Variants in DCAF8L2 observed in about 807,000 individuals in gnomAD.
The protein encoded by DCAF8L2 is DDB1 and CUL4 associated factor 8 like 2.
For synonymous variants in DCAF8L2, 200 were observed against 190.9 expected (o/e 1.05, Z -0.39); for missense variants, 430 against 490.7 (o/e 0.88, Z 1.17).
Position 27,748,504 on chromosome X carries a change from G to A in DCAF8L2, c.1609G>A (p.Val537Ile). 1.7e-6 allele frequency: 2 copies of A among 1,210,366 alleles called. No individual in the cohort carries two copies. Among genetic ancestry groups the A allele is most frequent in the South Asian group, 3.5e-5 (2 of 56,839 alleles). Reference protein sequence around the residue: ...VLACSGLDHDVKIWTPTAKAA... With the variant: ...VLACSGLDHDIKIWTPTAKAA... ...GGCGTGCAGTGGCCTAGATCATGAT[G>A]TCAAGATCTGGACACCCACAGCTAA... is the stretch of plus-strand genomic sequence containing the variant. Residue 537 changes from valine (V) to isoleucine (I), a missense_variant, in exon 5 of 5, where the codon GTC becomes ATC. Val to Ile is a conservative substitution (Grantham distance 29). Coordinates refer to ENST00000451261, the MANE Select transcript of DCAF8L2 (RefSeq NM_001353450.2).
At chrX:27,490,493 G>A in the DCAF8L2 span, among the ~76,000 whole-genome samples, 5 of 109,371 alleles carry the variant, frequency 4.6e-5, no homozygotes, top group Admixed American at 4.9e-4. Context: ...ACGGAGTCTC[G>A]CTCTGTCGCC....
chrX:27,732,861 TA>T (rs980802730), intron 4 of DCAF8L2, among the ~76,000 whole-genome samples: 2 of 110,708 alleles, frequency 1.8e-5, no homozygotes, highest in Non-Finnish European at 1.9e-5. Flanking sequence ...TCCCTTTTTT[TA>T]AAAAAAATTT....
intron 2 of DCAF8L2, among the ~76,000 whole-genome samples, chrX:27,643,368 T>C (rs1273672148): frequency 2.7e-5 from 3 of 110,441 alleles, no homozygotes; most frequent in African/African-American, 1.0e-4. Context: ...TGGCCATTTG[T>C]ATGTCTTCTT....
Position 27,595,680 on chromosome X carries a change from G to C in DCAF8L2, c.-342+5240G>C, listed in dbSNP as rs767152887. Among the ~76,000 whole-genome samples, 54 of 111,910 alleles carry C rather than the reference G, an allele frequency of 4.8e-4. 1 individual carries two copies. Among genetic ancestry groups the C allele is most frequent in the African/African-American group, 1.7e-3 (52 of 30,867 alleles). ...CAGGAGCTTTGTCTTTTTAGTTCAG[G>C]GTTGTAGCCTCAAGTTTAGAACACT... is the stretch of plus-strand genomic sequence containing the variant. On this transcript the variant is annotated intron_variant, in intron 1 of 4. Transcript: ENST00000451261.
chrX:27,734,940 C>T (rs974833679), intron 4 of DCAF8L2, among the ~76,000 whole-genome samples: 1 of 111,468 alleles, frequency 9.0e-6, no homozygotes, highest in African/African-American at 3.3e-5. Context: ...ATTTCTGTAA[C>T]GCACTAAATT....
chrX:27,672,431 A>G (rs1929982214), intron 2 of DCAF8L2, among the ~76,000 whole-genome samples: 1 of 112,081 alleles, frequency 8.9e-6, no homozygotes, highest in Admixed American at 9.5e-5. Flanking sequence ...AAGATGAAGA[A>G]CACTACGTTT....
the DCAF8L2 span, chrX:27,519,328 G>C: frequency 1.8e-6 from 2 of 1,104,590 alleles, no homozygotes; most frequent in South Asian, 3.7e-5. Context: ...GCTTGAAAAG[G>C]AGCGTCGAGC....
chrX:27,605,859 G>A (rs187129910), intron 1 of DCAF8L2, among the ~76,000 whole-genome samples: 1 of 111,297 alleles, frequency 9.0e-6, no homozygotes, highest in East Asian at 2.8e-4. Flanking sequence ...TGAAGTACAG[G>A]GAATGAGACT....
chrX:27,486,172 A>C, the DCAF8L2 span, among the ~76,000 whole-genome samples: 1 of 108,009 alleles, frequency 9.3e-6, no homozygotes, highest in African/African-American at 3.4e-5. Context: ...TGCCCGGCTA[A>C]TTTTTGTATT....
At chrX:27,588,002 A>G (rs1220589055), upstream of DCAF8L2, among the ~76,000 whole-genome samples, 1 of 100,307 alleles carries the variant, frequency 1.0e-5, no homozygotes, top group Non-Finnish European at 2.0e-5. Flanking sequence ...ATATATATAT[A>G]TATATATATA....
intron 3 of DCAF8L2, among the ~76,000 whole-genome samples, chrX:27,715,593 G>A (rs1931673723): frequency 1.8e-5 from 2 of 111,359 alleles, no homozygotes; most frequent in South Asian, 3.7e-4. Context: ...ATTATAAGAA[G>A]TAATGTTTTA....
intron 1 of DCAF8L2, among the ~76,000 whole-genome samples, chrX:27,620,368 CAAATT>C (rs1927698610): frequency 9.0e-6 from 1 of 111,466 alleles, no homozygotes; most frequent in Non-Finnish European, 1.9e-5. Context: ...AATAAATAGA[CAAATT>C]AAACTTTGTG....
At chrX:27,486,850 A>G in the DCAF8L2 span, among the ~76,000 whole-genome samples, 1 of 111,798 alleles carries the variant, frequency 8.9e-6, no homozygotes, top group Admixed American at 9.6e-5. Context: ...TCAGTTTTAT[A>G]TTACCTAGAT....
At chrX:27,520,160 T>C in the DCAF8L2 span, among the ~76,000 whole-genome samples, 1,456 of 112,030 alleles carry the variant, frequency 0.013, 13 homozygotes, top group Non-Finnish European at 0.018. Context: ...ATTTATTTAA[T>C]TTAGTCAATT....
chrX:27,612,649 CAGCTTTCTACATGTGGCT>C (rs1456116875), intron 1 of DCAF8L2, among the ~76,000 whole-genome samples: 1 of 112,012 alleles, frequency 8.9e-6, no homozygotes, highest in Admixed American at 9.5e-5. Flanking sequence ...GATCCAGTTT[CAGCTTTCTACATGTGGCT>C]AGCCAGTTTC....
chrX:27,548,353 T>TA, the DCAF8L2 span, among the ~76,000 whole-genome samples: 1 of 111,541 alleles, frequency 9.0e-6, no homozygotes, highest in African/African-American at 3.3e-5. Flanking sequence ...TCCTTTTTAA[T>TA]AAAAAGTATG....
At chrX:27,698,961 A>G (rs1395421984) in intron 3 of DCAF8L2, among the ~76,000 whole-genome samples, 5 of 111,947 alleles carry the variant, frequency 4.5e-5, no homozygotes, top group Non-Finnish European at 7.5e-5. Context: ...AAGGGTTTTC[A>G]TTGTCCAAAT....
chrX:27,488,432 T>C, the DCAF8L2 span, among the ~76,000 whole-genome samples: 11 of 111,324 alleles, frequency 9.9e-5, no homozygotes, highest in African/African-American at 3.6e-4. Context: ...TGTATCTATA[T>C]TGTAAATTAC....
At chrX:27,689,375 G>A (rs1043096645) in intron 3 of DCAF8L2, among the ~76,000 whole-genome samples, 2 of 111,804 alleles carry the variant, frequency 1.8e-5, no homozygotes, top group African/African-American at 6.5e-5. Context: ...CTCCCAAGTA[G>A]CTGGGACTAC....
Sources: allele counts gnomAD v4.1 joint callset (sites outside exome capture counted in the v4.1 genomes callset), GRCh38; gene constraint gnomAD v4.1.1; transcripts MANE v1.5; gene names NCBI Gene and HGNC (gene_info 2026-07-23, HGNC 2026-07-21).